Variants in ERBIN observed in about 807,000 individuals in gnomAD.
ERBIN encodes the protein densin-180-like protein.
ERBIN carries 60 observed loss-of-function variants against 158.4 expected under a neutral mutation model. The ratio of observed to expected loss-of-function variants is 0.38; its 90% CI spans 0.31 to 0.47. The LOEUF is 0.47. Among genes scored for constraint, ERBIN ranks in the 20% least tolerant of loss-of-function variants. The pLI is 0.99. For synonymous variants in ERBIN, 594 were observed against 557.2 expected, an observed-to-expected ratio of 1.07 and a Z score of -0.93; for missense variants, 1,610 against 1,648.0, an observed-to-expected ratio of 0.98 and a Z score of 0.40.
intron 4 of ERBIN, among the ~76,000 whole-genome samples, chr5:65,995,415 A>G (rs1035203808): frequency 1.3e-5 from 2 of 151,264 alleles, no homozygotes; most frequent in African/African-American, 4.9e-5. Flanking sequence ...TTTACTTAAC[A>G]TAATATCCTC....
In ERBIN at chr5:66,080,347, ACT is replaced by A. The variant is rs943693700; in HGVS notation, c.*1820_*1821del. ...TAATTTTGATTGAAACCCTTTAACA[ACT>A]CTTTGTAAATTTTAACTCATTTTAG... On this transcript the variant is annotated 3_prime_UTR_variant, in exon 26 of 26. Transcript: ENST00000284037. 2.6e-5 allele frequency: 4 copies of A among 152,282 alleles called. No individual in the cohort carries two copies. The highest frequency in any genetic ancestry group is 9.7e-5 in the African/African-American group (4 of 41,356). The allele number at this position is 152,282 out of a possible 1,614,324, so 9.4% of individuals were successfully genotyped here. A position where few individuals can be genotyped will look rare whatever the true frequency, so the allele number is the denominator to read the frequency against.
At chr5:66,060,537 C>T (rs1760160263) in intron 21 of ERBIN, among the ~76,000 whole-genome samples, 1 of 152,146 alleles carries the variant, frequency 6.6e-6, no homozygotes, top group Admixed American at 6.5e-5. Flanking sequence ...GTCTCTATCT[C>T]CTTCAGTTCT....
chr5:65,954,903 A>G (rs1746915781), intron 1 of ERBIN, among the ~76,000 whole-genome samples: 1 of 151,936 alleles, frequency 6.6e-6, no homozygotes, highest in Admixed American at 6.6e-5. Flanking sequence ...CGTCTCTACT[A>G]AAAATACAGT....
At chr5:66,023,762 G>C (rs1369982938) in intron 9 of ERBIN, among the ~76,000 whole-genome samples, 1 of 148,444 alleles carries the variant, frequency 6.7e-6, no homozygotes, top group African/African-American at 2.5e-5. Flanking sequence ...TGCGAGCTCC[G>C]CCTCCTGGGT....
intron 1 of ERBIN, among the ~76,000 whole-genome samples, chr5:65,987,045 G>C (rs1751308517): frequency 6.6e-6 from 1 of 152,140 alleles, no homozygotes; most frequent in Admixed American, 6.5e-5. Flanking sequence ...TGGGAGAGTG[G>C]TGGTGTCAGA....
rs374644009 is a variant in ERBIN at position 66,024,071 on chromosome 5, AC to A, written c.673-233del. On this transcript the variant is annotated intron_variant, in intron 9 of 25. Transcript: ENST00000284037. ...GCTATTTCCTTAGGAGGTAATGGAT[AC>A]CTGAATTCCCAAAGAATATGTCCTT... Among the ~76,000 whole-genome samples, 947 of 152,292 alleles carry A rather than the reference AC, an allele frequency of 6.2e-3. 9 individuals carry two copies. Among genetic ancestry groups the A allele is most frequent in the African/African-American group, 0.022 (906 of 41,560 alleles).
At chr5:65,963,580 A>G (rs1407108524) in intron 1 of ERBIN, among the ~76,000 whole-genome samples, 2 of 152,200 alleles carry the variant, frequency 1.3e-5, no homozygotes, top group East Asian at 3.9e-4. Context: ...CCTGGGCAAC[A>G]AGAGCGAAAC....
Position 66,082,132 on chromosome 5 carries a change from CTG to C in ERBIN, c.*3605_*3606del, listed in dbSNP as rs1429807561. On this transcript the variant is annotated 3_prime_UTR_variant, in exon 26 of 26. Transcript: ENST00000284037. ...TGAAGCAGTTTTTCAAGATTAGAAT[CTG>C]TGGTCAGCTATAACGTACAGTCCTA... The C allele has an allele frequency of 6.6e-6, 1 of 152,170 alleles. No individual in the cohort carries two copies. The highest frequency in any genetic ancestry group is 1.5e-5 in the Non-Finnish European group (1 of 68,016). The allele number at this position is 152,170 out of a possible 1,614,324, so 9.4% of individuals were successfully genotyped here.
rs533674358 is a variant in ERBIN at position 65,927,227 on chromosome 5, G to A, written c.-58+421G>A. On this transcript the variant is annotated intron_variant, in intron 1 of 25. Transcript: ENST00000284037. ...GTGATTTGCTGTTATTGAGATGGCT[G>A]CCGCGTTTGTTTATACTCATACCGA... Among the ~76,000 whole-genome samples the A allele has an allele frequency of 9.9e-5, 15 of 152,270 alleles. No individual in the cohort carries two copies. The South Asian group carries it at 3.1e-3, about 32-fold the overall frequency.
At chr5:66,012,177 G>A in intron 5 of ERBIN, 50 bp downstream of exon 5, 1 of 1,171,274 alleles carries the variant, frequency 8.5e-7, no homozygotes, top group South Asian at 1.5e-5. Flanking sequence ...AAACAATTAT[G>A]AAACTAGTAG....
intron 1 of ERBIN, among the ~76,000 whole-genome samples, chr5:65,939,729 G>A (rs1230625248): frequency 4.6e-5 from 7 of 152,326 alleles, no homozygotes; most frequent in African/African-American, 1.7e-4. Context: ...CTATTTTTTT[G>A]GTGGAGACGG....
At position 66,054,238 on chromosome 5, in the gene ERBIN, C is replaced by A. The variant is rs749511350; in HGVS notation, c.2920C>A (p.Pro974Thr). Residue 974 changes from proline to threonine, a missense_variant, in exon 21 of 26, where the codon CCT becomes ACT. Around this residue, in one of 2 missense-constraint regions of ERBIN, gnomAD observed 1,014 missense variants for 936.1 expected, o/e 1.08. Coordinates refer to ENST00000284037, the MANE Select transcript of ERBIN (RefSeq NM_001253697.2). ...ACAATCTGCACCTCAAATATATGGT[C>A]CTCCACAGTATAATATCCAATACAG... ...GPQSAPQIYG[P>T]PQYNIQYSSS... 1 of 1,614,064 alleles carries A rather than the reference C, an allele frequency of 6.2e-7. No individual in the cohort carries two copies. The highest frequency in any genetic ancestry group is 1.1e-5 in the South Asian group (1 of 91,080).
intron 4 of ERBIN, among the ~76,000 whole-genome samples, chr5:65,996,683 G>C (rs886829962): frequency 6.6e-6 from 1 of 152,102 alleles, no homozygotes; most frequent in African/African-American, 2.4e-5. Context: ...TGGAATTTTG[G>C]TAGGGATTGG....
At chr5:66,068,483 A>T (rs1382893759) in intron 21 of ERBIN, among the ~76,000 whole-genome samples, 1 of 152,164 alleles carries the variant, frequency 6.6e-6, no homozygotes. Flanking sequence ...TGTTGGTAAA[A>T]TTTATCTTTA....
At chr5:66,023,754 C>T (rs1054985650) in intron 9 of ERBIN, among the ~76,000 whole-genome samples, 5 of 150,450 alleles carry the variant, frequency 3.3e-5, no homozygotes, top group Admixed American at 6.6e-5. Flanking sequence ...CGGCTCACTG[C>T]GAGCTCCGCC....
Position 66,014,720 on chromosome 5 carries a change from G to A in ERBIN, c.528G>A (p.Leu176=), listed in dbSNP as rs754467314. The change falls in exon 7 of 26, where the codon TTG becomes TTA. Residue 176 remains leucine, a synonymous_variant. Transcript: ENST00000284037. ...TTAGAGAAAACCAGTTAAAAATGTT[G>A]CCTAAGTAAGTAAAGGTGCTATTCT... ...LELRENQLKM[L]PKTMNRLTQL... 3.6e-5 allele frequency: 51 copies of A among 1,427,950 alleles called. No homozygotes were observed. The highest frequency in any genetic ancestry group is 4.6e-5 in the Non-Finnish European group (48 of 1,054,302). 88.5% of individuals were successfully genotyped at this position (1,427,950 alleles called of 1,614,324 possible).
chr5:66,005,928 C>T (rs181352660), intron 4 of ERBIN, among the ~76,000 whole-genome samples: 69 of 152,280 alleles, frequency 4.5e-4, no homozygotes, highest in African/African-American at 1.6e-3. Context: ...ATTCCATGCT[C>T]ATGGGTAGGA....
At chr5:65,940,119 C>T (rs1439650005) in intron 1 of ERBIN, among the ~76,000 whole-genome samples, 385 of 143,660 alleles carry the variant, frequency 2.7e-3, no homozygotes, top group African/African-American at 9.2e-3. Context: ...TCTTCCCGGC[C>T]GCCATCCCAT....
intron 1 of ERBIN, among the ~76,000 whole-genome samples, chr5:65,982,100 AAGAG>A (rs1211994710): frequency 6.6e-6 from 1 of 152,128 alleles, no homozygotes; most frequent in African/African-American, 2.4e-5. Flanking sequence ...ATTAGAGACA[AAGAG>A]AGATTATTAC....
Sources: allele counts gnomAD v4.1 joint callset (sites outside exome capture counted in the v4.1 genomes callset), GRCh38; gene constraint gnomAD v4.1.1; regional missense constraint gnomAD v4.1.1; transcripts MANE v1.5; gene names NCBI Gene and HGNC (gene_info 2026-07-23, HGNC 2026-07-21).